The following CNTN4 variants were observed in gnomAD, a reference collection of about 807,000 sequenced individuals.
The protein encoded by CNTN4 is contactin-4.
In CNTN4, 77 loss-of-function variants were observed where a neutral mutation model predicts 122.5. The observed-to-expected ratio is 0.63, with a 90% confidence interval of 0.52 to 0.76. The LOEUF (loss-of-function observed/expected upper bound fraction) is 0.76. CNTN4 is among the 30% of genes least tolerant of loss of function. The pLI, the probability that CNTN4 is intolerant of heterozygous loss-of-function variation, is 0.00. For synonymous variants in CNTN4, 512 were observed against 447.0 expected (o/e 1.15, Z -1.83); for missense variants, 1,256 against 1,259.1 (o/e 1.00, Z 0.04).
intron 7 of CNTN4, among the ~76,000 whole-genome samples, chr3:2,856,014 T>C (rs1305987126): frequency 6.6e-6 from 1 of 152,232 alleles, no homozygotes; most frequent in Non-Finnish European, 1.5e-5. Context: ...GAAAGAGATA[T>C]ACTTTCTTAT....
At chr3:2,246,069 A>G (rs2040133570) in intron 2 of CNTN4, among the ~76,000 whole-genome samples, 1 of 152,000 alleles carries the variant, frequency 6.6e-6, no homozygotes, top group Non-Finnish European at 1.5e-5. Flanking sequence ...TCAGAATGTC[A>G]GTGGTCCCAA....
At chr3:2,868,091 A>G (rs943832450) in intron 8 of CNTN4, among the ~76,000 whole-genome samples, 5 of 152,170 alleles carry the variant, frequency 3.3e-5, no homozygotes, top group Admixed American at 6.5e-5. Context: ...TCTATTATGA[A>G]CAGGAATGAC....
At chr3:2,627,706 G>A (rs944521570) in intron 4 of CNTN4, among the ~76,000 whole-genome samples, 77 of 152,068 alleles carry the variant, frequency 5.1e-4, no homozygotes, top group African/African-American at 1.7e-3. Context: ...TGTTAGCCAG[G>A]ATGGTCTCGA....
intron 2 of CNTN4, among the ~76,000 whole-genome samples, chr3:2,215,904 A>AAAAG: frequency 6.6e-6 from 1 of 151,162 alleles, no homozygotes; most frequent in Non-Finnish European, 1.5e-5. Flanking sequence ...AAAAAAAAAA[A>AAAAG]AAAGAGTTCC....
At chr3:2,425,705 A>G (rs574353828) in intron 3 of CNTN4, among the ~76,000 whole-genome samples, 2 of 152,288 alleles carry the variant, frequency 1.3e-5, no homozygotes, top group Admixed American at 6.5e-5. Context: ...ATCCATGAGC[A>G]TGGAATGTTC....
chr3:2,193,349 G>GA (rs369675544), intron 2 of CNTN4, among the ~76,000 whole-genome samples: 1,735 of 143,516 alleles, frequency 0.012, 20 homozygotes, highest in Middle Eastern at 0.052. Context: ...GAAGGAGAAG[G>GA]AAAAAAAAAA....
intron 2 of CNTN4, among the ~76,000 whole-genome samples, chr3:2,203,377 C>G (rs531996295): frequency 1.3e-5 from 2 of 152,176 alleles, no homozygotes; most frequent in East Asian, 3.9e-4. Context: ...TGGGGTGCTA[C>G]TATGATGTTG....
chr3:2,567,619 T>G (rs2079230282), intron 3 of CNTN4, among the ~76,000 whole-genome samples: 1 of 152,190 alleles, frequency 6.6e-6, no homozygotes, highest in South Asian at 2.1e-4. Flanking sequence ...CTTGCTGCTC[T>G]TTTATAGATG....
At chr3:2,569,256 G>C (rs942647015) in intron 3 of CNTN4, among the ~76,000 whole-genome samples, 3 of 152,152 alleles carry the variant, frequency 2.0e-5, no homozygotes, top group Non-Finnish European at 4.4e-5. Flanking sequence ...TTCATTTTCT[G>C]TTAGCTCCCT....
At chr3:2,320,669 T>C (rs2043247642) in intron 2 of CNTN4, among the ~76,000 whole-genome samples, 1 of 152,188 alleles carries the variant, frequency 6.6e-6, no homozygotes, top group Non-Finnish European at 1.5e-5. Flanking sequence ...GTTTGTGTCA[T>C]TTTTGGCTGC....
At chr3:2,612,603 A>G (rs2081547085) in intron 4 of CNTN4, among the ~76,000 whole-genome samples, 2 of 152,146 alleles carry the variant, frequency 1.3e-5, no homozygotes, top group South Asian at 2.1e-4. Flanking sequence ...TCAGTGAGGA[A>G]GATACTGCTT....
At chr3:2,491,292 C>G (rs1406225928) in intron 3 of CNTN4, among the ~76,000 whole-genome samples, 2 of 152,158 alleles carry the variant, frequency 1.3e-5, no homozygotes, top group African/African-American at 4.8e-5. Context: ...AATTGAAGAA[C>G]TGAATTACAC....
intron 3 of CNTN4, among the ~76,000 whole-genome samples, chr3:2,375,399 G>C (rs935634538): frequency 5.3e-5 from 8 of 152,126 alleles, no homozygotes; most frequent in Admixed American, 2.0e-4. Flanking sequence ...AACTGAAGGA[G>C]ATGGGTCATT....
Position 2,858,873 on chromosome 3 carries a change from TA to T in CNTN4, c.455-7877del, listed in dbSNP as rs1455410944. Among the ~76,000 whole-genome samples the T allele has an allele frequency of 3.9e-5, 6 of 152,236 alleles. No individual in the cohort carries two copies. The East Asian group carries it at 1.2e-3, about 29-fold the overall frequency. ...TATGGATTGGCTAAATCATGCTCAT[TA>T]ACATGTTCATTACCTCACATACCAT... On this transcript the variant is annotated intron_variant, in intron 7 of 24. Transcript: ENST00000418658.
At position 2,757,527 on chromosome 3, in the gene CNTN4, G is replaced by A. The variant is rs114237895; in HGVS notation, c.358+11830G>A. ...TAACCGTTCCACTGTGGTCTCTCAA[G>A]CGATGTTATCGTTGATGTTATGACA... is the stretch of plus-strand genomic sequence containing the variant. On this transcript the variant is annotated intron_variant, in intron 6 of 24. Transcript: ENST00000418658. 9.8e-3 allele frequency among the ~76,000 whole-genome samples: 1,497 copies of A among 152,250 alleles called. 22 individuals carry two copies. The highest frequency in any genetic ancestry group is 0.035 in the African/African-American group (1,439 of 41,536).
intron 4 of CNTN4, among the ~76,000 whole-genome samples, chr3:2,595,199 G>C (rs2080710864): frequency 6.6e-6 from 1 of 152,138 alleles, no homozygotes; most frequent in Non-Finnish European, 1.5e-5. Flanking sequence ...AATTGACTGA[G>C]TATTTCTGAT....
chr3:2,778,099 A>G (rs1418945146), intron 6 of CNTN4, among the ~76,000 whole-genome samples: 2 of 143,334 alleles, frequency 1.4e-5, no homozygotes, highest in South Asian at 2.4e-4. Flanking sequence ...CTGTAGTCCC[A>G]GCTACTCAGG....
At chr3:2,878,486 A>C (rs932555190) in intron 8 of CNTN4, among the ~76,000 whole-genome samples, 14 of 152,138 alleles carry the variant, frequency 9.2e-5, no homozygotes, top group Middle Eastern at 6.8e-3. Flanking sequence ...TTTGTGAAGG[A>C]TACAGAAAAA....
At chr3:2,637,982 A>G (rs1217213720) in intron 4 of CNTN4, among the ~76,000 whole-genome samples, 1 of 152,216 alleles carries the variant, frequency 6.6e-6, no homozygotes, top group Non-Finnish European at 1.5e-5. Context: ...CTATGGGCAA[A>G]TTGCTAATTC....
Sources: gnomAD v4.1 joint callset for allele counts (sites outside exome capture counted in the v4.1 genomes callset) on GRCh38, gnomAD v4.1.1 for gene constraint, MANE v1.5 for transcripts, NCBI Gene and HGNC (gene_info 2026-07-23, HGNC 2026-07-21) for gene names.